The following PPP4R2 variants were observed in gnomAD, a reference collection of about 807,000 sequenced individuals.
The protein encoded by PPP4R2 is protein phosphatase 4 regulatory subunit 2.
A neutral mutation model predicts 47.2 loss-of-function variants in PPP4R2; 13 were observed. That is an observed-to-expected ratio of 0.28 (90% CI 0.18 to 0.44). PPP4R2 has a LOEUF of 0.44. Ranked by LOEUF, PPP4R2 falls within the 20% of genes least tolerant of loss-of-function variation. The pLI is 1.00. For synonymous variants in PPP4R2, 151 were observed against 163.3 expected, an observed-to-expected ratio of 0.92 and a Z score of 0.57; for missense variants, 421 against 491.2, an observed-to-expected ratio of 0.86 and a Z score of 1.35.
At chr3:72,998,932 T>C (rs1010310021) in intron 2 of PPP4R2, among the ~76,000 whole-genome samples, 1 of 152,204 alleles carries the variant, frequency 6.6e-6, no homozygotes, top group African/African-American at 2.4e-5. Flanking sequence ...TAGGTTTCTA[T>C]GGTTTCAATG....
chr3:73,021,880 G>A (rs9831267), intron 2 of PPP4R2, among the ~76,000 whole-genome samples: 47,305 of 134,970 alleles, frequency 0.35, 8,792 homozygotes, highest in African/African-American at 0.45. Context: ...GTGTGTGTGT[G>A]TATATATGCA....
At chr3:73,047,008 T>C (rs1223073425) in intron 2 of PPP4R2, among the ~76,000 whole-genome samples, 178 bp from the exon 3 acceptor site, 2 of 152,172 alleles carry the variant, frequency 1.3e-5, no homozygotes, top group African/African-American at 4.8e-5. Context: ...AGCATCAGGA[T>C]GGAGCTTGTG....
chr3:72,996,905 T>TCC lies in PPP4R2; in HGVS notation c.-125_-124dup. 3.9e-6 allele frequency: 2 copies of TCC among 506,670 alleles called. No individual in the cohort carries two copies. Among genetic ancestry groups the TCC allele is most frequent in the Non-Finnish European group, 6.2e-6 (2 of 321,256 alleles). The allele number at this position is 506,670 out of a possible 1,614,324, so 31.4% of individuals were successfully genotyped here. On this transcript the variant is annotated 5_prime_UTR_variant, in exon 1 of 9. Transcript: ENST00000356692. ...CACGCTTCCCCCGGCTCCCTTCGTT[T>TCC]CCCCCCCCCGGTCGCCTGCGTGCCG...
rs991703918 is a variant in PPP4R2, at chr3:73,068,528, C to T, written c.*2806C>T. The T allele has an allele frequency of 6.6e-6, 1 of 152,122 alleles. No individual in the cohort carries two copies. The highest frequency in any genetic ancestry group is 1.9e-4 in the East Asian group (1 of 5,180). The allele number at this position is 152,122 out of a possible 1,614,324, so 9.4% of individuals were successfully genotyped here. On this transcript the variant is annotated 3_prime_UTR_variant, in exon 9 of 9. Coordinates refer to ENST00000356692, the MANE Select transcript of PPP4R2 (RefSeq NM_174907.4). ...AATGTTGATTATTAGATAAATTTAA[C>T]CTGCTTAGGGTTTATTGTAACTACA...
chr3:73,005,797 A>G (rs929038048), intron 2 of PPP4R2, among the ~76,000 whole-genome samples: 4 of 136,876 alleles, frequency 2.9e-5, no homozygotes, highest in Non-Finnish European at 4.6e-5. Context: ...ACGTCGTTGC[A>G]CTCCAGTCTG....
Position 73,064,997 on chromosome 3 carries a change from C to G in PPP4R2, c.784C>G (p.Gln262Glu). ...KEGEVRETAS[Q>E]TTSSEISSVM... ...AGGTGAAGTCAGAGAAACAGCCAGT[C>G]AAACGACTTCCAGCGAAATTTCTTC... The change falls in exon 8 of 9, where the codon CAA becomes GAA. Residue 262 changes from glutamine (Q) to glutamate (E), a missense_variant. Physicochemically the swap from Gln to Glu is conservative, Grantham distance 29 (BLOSUM62 2). Transcript: ENST00000356692. The G allele has an allele frequency of 6.2e-7, 1 of 1,613,866 alleles. No homozygotes were observed. The highest frequency in any genetic ancestry group is 8.5e-7 in the Non-Finnish European group (1 of 1,179,828).
chr3:73,015,216 G>A (rs13078603), intron 2 of PPP4R2, among the ~76,000 whole-genome samples: 49,826 of 151,906 alleles, frequency 0.33, 8,684 homozygotes, highest in Non-Finnish European at 0.4. Context: ...GTCTCTCTCT[G>A]TTGCCCAGGG....
intron 2 of PPP4R2, among the ~76,000 whole-genome samples, chr3:73,023,483 G>C (rs1380129249): frequency 6.6e-6 from 1 of 152,138 alleles, no homozygotes; most frequent in Admixed American, 6.6e-5. Context: ...ACAGTGCCTG[G>C]CCAGAATAAG....
chr3:72,998,955 TTATCTGCCCAG>T (rs1191077025), intron 2 of PPP4R2, among the ~76,000 whole-genome samples: 1 of 152,190 alleles, frequency 6.6e-6, no homozygotes, highest in Non-Finnish European at 1.5e-5. Context: ...AATAAGTGGG[TTATCTGCCCAG>T]TATGAGTGTA....
chr3:73,061,216 A>G (rs1328253516), intron 5 of PPP4R2, 156 bp downstream of exon 5: 9 of 354,262 alleles, frequency 2.5e-5, no homozygotes, highest in Non-Finnish European at 3.0e-5. Context: ...CCAAAGTAGA[A>G]TATTACTAAT....
intron 2 of PPP4R2, chr3:73,014,832 C>T: frequency 2.4e-6 from 1 of 418,112 alleles, no homozygotes; most frequent in Non-Finnish European, 4.3e-6. Flanking sequence ...CTAAATCTAG[C>T]ATTGCTTTAT....
In PPP4R2 at chr3:73,064,975, T is replaced by G. The variant is rs753699063; in HGVS notation, c.762T>G (p.Gly254=). 6.2e-7 allele frequency: 1 copy of G among 1,613,826 alleles called. No homozygotes were observed. Among genetic ancestry groups the G allele is most frequent in the Non-Finnish European group, 8.5e-7 (1 of 1,179,818 alleles). ...AAAGACTCAGGTTTGACAAAGAAGG[T>G]GAAGTCAGAGAAACAGCCAGTCAAA... ...EVKRLRFDKE[G]EVRETASQTT... The change falls in exon 8 of 9, where the codon GGT becomes GGG. Residue 254 remains glycine, a synonymous_variant. Coordinates refer to ENST00000356692, the MANE Select transcript of PPP4R2 (RefSeq NM_174907.4).
intron 3 of PPP4R2, among the ~76,000 whole-genome samples, chr3:73,051,176 AAG>A (rs1702604947): frequency 6.6e-6 from 1 of 152,196 alleles, no homozygotes; most frequent in African/African-American, 2.4e-5. Context: ...TGGCCTCCCA[AAG>A]TGCTGGGATT....
chr3:73,042,929 G>GA (rs1184974831), intron 2 of PPP4R2, among the ~76,000 whole-genome samples: 1 of 152,102 alleles, frequency 6.6e-6, no homozygotes, highest in African/African-American at 2.4e-5. Context: ...TAGAGTCTTT[G>GA]AATCTCTTCA....
intron 2 of PPP4R2, among the ~76,000 whole-genome samples, chr3:73,017,449 C>T (rs1041093346): frequency 2.0e-5 from 3 of 152,128 alleles, no homozygotes; most frequent in South Asian, 2.1e-4. Flanking sequence ...CTGACCACTT[C>T]CCCCACCCCC....
At position 73,065,405 on chromosome 3, in the gene PPP4R2, A is replaced by G; in HGVS notation, c.937A>G (p.Met313Val). 2 of 1,590,050 alleles carry G rather than the reference A, an allele frequency of 1.3e-6. No homozygotes were observed. Among genetic ancestry groups the G allele is most frequent in the Non-Finnish European group, 1.7e-6 (2 of 1,169,680 alleles). The stretch of plus-strand genomic sequence containing the variant: ...CATTTGCTTATTTTTAGAGTCTTTT[A>G]TGACATCAAGAGAAATGATCCCAGA... ...EDEEEEEESF[M>V]TSREMIPERK... Residue 313 changes from methionine to valine, a missense_variant, in exon 9 of 9, where the codon ATG becomes GTG. Met to Val is a conservative substitution (Grantham distance 21). This residue lies in a region of PPP4R2 where 317 missense variants were observed against 287.5 expected (regional missense o/e 1.10). Coordinates refer to ENST00000356692, the MANE Select transcript of PPP4R2 (RefSeq NM_174907.4).
intron 3 of PPP4R2, among the ~76,000 whole-genome samples, chr3:73,058,175 G>A (rs1702767733): frequency 6.6e-6 from 1 of 152,048 alleles, no homozygotes; most frequent in South Asian, 2.1e-4. Context: ...AGGAAAAATT[G>A]AGGTATAGTG....
chr3:73,052,762 C>T (rs936603097), intron 3 of PPP4R2, among the ~76,000 whole-genome samples: 12 of 152,160 alleles, frequency 7.9e-5, no homozygotes, highest in African/African-American at 2.2e-4. Flanking sequence ...AGTAGGCAGT[C>T]GGCCTCCTCA....
chr3:73,030,056 A>G (rs1325143776), intron 2 of PPP4R2, among the ~76,000 whole-genome samples: 1 of 152,174 alleles, frequency 6.6e-6, no homozygotes, highest in East Asian at 1.9e-4. Context: ...AAGCACAGCA[A>G]ATTTTTAAAT....
Sources: gnomAD v4.1 joint callset for allele counts (sites outside exome capture counted in the v4.1 genomes callset) on GRCh38, gnomAD v4.1.1 for gene constraint, gnomAD v4.1.1 regional missense constraint, MANE v1.5 for transcripts, NCBI Gene and HGNC (gene_info 2026-07-23, HGNC 2026-07-21) for gene names.